The following ANO10 variants were observed in gnomAD, a reference collection of about 807,000 sequenced individuals.
ANO10 encodes the protein anoctamin-10.
In ANO10, 77 loss-of-function variants were observed where a neutral mutation model predicts 74.7. The ratio of observed to expected loss-of-function variants is 1.03; its 90% CI spans 0.86 to 1.25. ANO10 has a LOEUF of 1.25. Among genes scored for constraint, ANO10 ranks in the 50% most tolerant of loss-of-function variants. The pLI, the probability that ANO10 is intolerant of heterozygous loss-of-function variation, is 0.00. For missense variants in ANO10, 721 were observed against 778.1 expected (o/e 0.93, Z 0.87); for synonymous variants, 279 against 284.9 (o/e 0.98, Z 0.21).
chr3:43,654,420 T>A (rs2083823775), intron 1 of ANO10, among the ~76,000 whole-genome samples: 1 of 151,824 alleles, frequency 6.6e-6, no homozygotes, highest in Admixed American at 6.6e-5. Flanking sequence ...GGAAAAATAA[T>A]CAATTCTTTA....
intron 4 of ANO10, among the ~76,000 whole-genome samples, chr3:43,588,761 A>G (rs926118399): frequency 6.6e-6 from 1 of 152,196 alleles, no homozygotes; most frequent in Non-Finnish European, 1.5e-5. Context: ...ATTAAGCAAG[A>G]TGAGGAATAA....
chr3:43,555,518 T>C, intron 9 of ANO10, 49 bp from the exon 10 acceptor site: 2 of 1,567,756 alleles, frequency 1.3e-6, no homozygotes, highest in Non-Finnish European at 1.7e-6. Flanking sequence ...ACAATAGGAA[T>C]ATCCTTTTGC....
chr3:43,399,957 C>A (rs2092449810), intron 12 of ANO10, among the ~76,000 whole-genome samples: 1 of 152,114 alleles, frequency 6.6e-6, no homozygotes, highest in Non-Finnish European at 1.5e-5. Context: ...CTGGCCTGCT[C>A]CTGTTTCATT....
intron 4 of ANO10, among the ~76,000 whole-genome samples, chr3:43,597,530 C>T (rs2082146885): frequency 6.6e-6 from 1 of 151,990 alleles, no homozygotes; most frequent in South Asian, 2.1e-4. Context: ...CCAAACACCG[C>T]ATGTTCTCAC....
At chr3:43,379,605 T>C (rs1161572549) in intron 12 of ANO10, among the ~76,000 whole-genome samples, 2 of 152,142 alleles carry the variant, frequency 1.3e-5, no homozygotes, top group Non-Finnish European at 2.9e-5. Flanking sequence ...GGGAGGCATG[T>C]AGCCTAGAGA....
chr3:43,415,081 T>G (rs2148900307), intron 12 of ANO10, among the ~76,000 whole-genome samples: 1 of 149,752 alleles, frequency 6.7e-6, no homozygotes, highest in Admixed American at 6.7e-5. Context: ...TTCAAGAGAT[T>G]CTCGTTCCTG....
chr3:43,683,842 T>C (rs1046950200), intron 1 of ANO10, among the ~76,000 whole-genome samples: 65 of 152,286 alleles, frequency 4.3e-4, no homozygotes, highest in African/African-American at 1.3e-3. Flanking sequence ...GGATTCCCTA[T>C]TTAAAAAATG....
chr3:43,395,853 G>C (rs147534279), intron 12 of ANO10, among the ~76,000 whole-genome samples: 2 of 151,864 alleles, frequency 1.3e-5, no homozygotes, highest in African/African-American at 2.4e-5. Context: ...TTATTAAAAG[G>C]CTGGACGTAA....
chr3:43,623,192 G>T (rs920413000), upstream of ANO10, among the ~76,000 whole-genome samples: 1 of 151,914 alleles, frequency 6.6e-6, no homozygotes, highest in African/African-American at 2.4e-5. Context: ...AGTTACCCAG[G>T]GTCTACCACA....
At chr3:43,401,050 G>A (rs1014083990) in intron 12 of ANO10, among the ~76,000 whole-genome samples, 1 of 152,188 alleles carries the variant, frequency 6.6e-6, no homozygotes, top group Admixed American at 6.5e-5. Flanking sequence ...TGTATTTCCA[G>A]TATCTAGTCA....
chr3:43,419,016 A>G (rs958082624), intron 12 of ANO10, among the ~76,000 whole-genome samples: 12 of 152,210 alleles, frequency 7.9e-5, no homozygotes, highest in Admixed American at 7.2e-4. Context: ...CTGGCCCTTT[A>G]CAGAAAAAGT....
At chr3:43,447,760 G>A (rs976004042) in intron 11 of ANO10, among the ~76,000 whole-genome samples, 1 of 152,140 alleles carries the variant, frequency 6.6e-6, no homozygotes, top group Non-Finnish European at 1.5e-5. Flanking sequence ...GAGAGTTGCT[G>A]TATACCTGTC....
intron 1 of ANO10, among the ~76,000 whole-genome samples, chr3:43,650,698 C>T (rs1309638189): frequency 1.3e-5 from 2 of 152,132 alleles, no homozygotes; most frequent in African/African-American, 4.8e-5. Context: ...AGTTTTTAGG[C>T]TGTTTTGAAC....
chr3:43,650,009 G>GT (rs113530986), intron 1 of ANO10, among the ~76,000 whole-genome samples: 4,736 of 152,270 alleles, frequency 0.031, 177 homozygotes, highest in African/African-American at 0.086. Context: ...CATGTACGGC[G>GT]TAAGTGTTAA....
chr3:43,484,042 C>T (rs1040240169), intron 11 of ANO10, among the ~76,000 whole-genome samples: 2 of 152,080 alleles, frequency 1.3e-5, no homozygotes, highest in African/African-American at 2.4e-5. Flanking sequence ...ACTCAATGAT[C>T]CTCCCACCTC....
At chr3:43,378,693 C>T (rs979045919) in intron 12 of ANO10, among the ~76,000 whole-genome samples, 57 of 152,170 alleles carry the variant, frequency 3.7e-4, no homozygotes, top group African/African-American at 1.4e-3. Flanking sequence ...TGTTCCTGGC[C>T]AGTTGAGAAG....
intron 12 of ANO10, among the ~76,000 whole-genome samples, chr3:43,397,752 T>C (rs1182872055): frequency 6.6e-6 from 1 of 152,202 alleles, no homozygotes; most frequent in Non-Finnish European, 1.5e-5. Flanking sequence ...TCTCTGGTAC[T>C]CTGTCCTGTG....
chr3:43,509,686 T>C (rs1381434217), intron 11 of ANO10, among the ~76,000 whole-genome samples: 1 of 152,188 alleles, frequency 6.6e-6, no homozygotes, highest in Non-Finnish European at 1.5e-5. Flanking sequence ...CCCAGCAATG[T>C]TACCTTTGAA....
chr3:43,504,016 C>A (rs1434342837), intron 11 of ANO10, among the ~76,000 whole-genome samples: 1 of 152,024 alleles, frequency 6.6e-6, no homozygotes, highest in Admixed American at 6.6e-5. Context: ...ATAATCCTAG[C>A]ATTTTGGGAG....
Sources: gnomAD v4.1 joint callset for allele counts (sites outside exome capture counted in the v4.1 genomes callset) on GRCh38, gnomAD v4.1.1 for gene constraint, MANE v1.5 for transcripts, NCBI Gene and HGNC (gene_info 2026-07-23, HGNC 2026-07-21) for gene names.